Variants in L3MBTL4 observed in about 807,000 individuals in gnomAD.
The protein encoded by L3MBTL4 is lethal(3)malignant brain tumor-like protein 4.
In L3MBTL4, 70 loss-of-function variants were observed where a neutral mutation model predicts 84.5. That is an observed-to-expected ratio of 0.83 (90% CI 0.68 to 1.01). The LOEUF is 1.01. L3MBTL4 is among the 50% of genes least tolerant of loss of function. The pLI is 0.00. For missense variants in L3MBTL4, 715 were observed against 754.8 expected (o/e 0.95, Z 0.62); for synonymous variants, 274 against 259.8 (o/e 1.05, Z -0.52).
At chr18:6,391,784 C>T (rs2055065688) in intron 1 of L3MBTL4, among the ~76,000 whole-genome samples, 1 of 151,876 alleles carries the variant, frequency 6.6e-6, no homozygotes, top group Admixed American at 6.6e-5. Context: ...ACTACTAGGA[C>T]TATACTTAAC....
chr18:6,275,206 C>T (rs1297968595), intron 4 of L3MBTL4, among the ~76,000 whole-genome samples: 1 of 151,860 alleles, frequency 6.6e-6, no homozygotes, highest in Non-Finnish European at 1.5e-5. Flanking sequence ...AGCCTAGTGA[C>T]CTGCAGCATT....
chr18:6,367,809 T>C (rs558255931), intron 1 of L3MBTL4: 109 of 152,324 alleles, frequency 7.2e-4, no homozygotes, highest in African/African-American at 2.5e-3. Context: ...ATTTGCCTTT[T>C]AACAGACGCC....
chr18:6,375,876 G>A (rs1285093861), intron 1 of L3MBTL4, among the ~76,000 whole-genome samples: 1 of 152,122 alleles, frequency 6.6e-6, no homozygotes. Context: ...ACAAGAAATA[G>A]GCAAAAGCAC....
chr18:6,057,367 A>C lies in L3MBTL4; in HGVS notation c.1444+23514T>G, dbSNP rs558325814. Among the ~76,000 whole-genome samples, 2 of 152,288 alleles carry C rather than the reference A, an allele frequency of 1.3e-5. 1 individual carries two copies. The highest frequency in any genetic ancestry group is 4.1e-4 in the South Asian group (2 of 4,820). The stretch of plus-strand genomic sequence containing the variant: ...TGTTTTTCATAATAACAGAATAAAA[A>C]CTAGGCAAGAGTGTATAACAATCTA... On this transcript the variant is annotated intron_variant, in intron 16 of 18. Coordinates refer to ENST00000317931, the MANE Select transcript of L3MBTL4 (RefSeq NM_001330559.2).
chr18:6,257,225 C>T (rs888258802), intron 5 of L3MBTL4, among the ~76,000 whole-genome samples: 2 of 151,892 alleles, frequency 1.3e-5, no homozygotes, highest in South Asian at 2.1e-4. Flanking sequence ...ACTGAGGCAG[C>T]GCAGGTAAAA....
intron 3 of L3MBTL4, among the ~76,000 whole-genome samples, chr18:6,305,548 C>T (rs563245561): frequency 4.6e-5 from 7 of 152,120 alleles, no homozygotes; most frequent in East Asian, 1.9e-4. Flanking sequence ...ATACAAAATG[C>T]GAAAAATAAA....
At chr18:6,038,971 G>C (rs926253479) in intron 16 of L3MBTL4, among the ~76,000 whole-genome samples, 1 of 151,862 alleles carries the variant, frequency 6.6e-6, no homozygotes, top group East Asian at 1.9e-4. Flanking sequence ...TATAAGAAAA[G>C]ACACCAGAGA....
intron 14 of L3MBTL4, among the ~76,000 whole-genome samples, chr18:6,136,362 G>A (rs143027824): frequency 3.9e-5 from 6 of 152,134 alleles, no homozygotes; most frequent in Non-Finnish European, 8.8e-5. Flanking sequence ...GCCAATTCAC[G>A]CTGACTTCCT....
At chr18:5,982,060 G>A (rs997236803) in intron 16 of L3MBTL4, among the ~76,000 whole-genome samples, 2 of 150,890 alleles carry the variant, frequency 1.3e-5, no homozygotes, top group Admixed American at 6.6e-5. Context: ...ATGTTTAAAT[G>A]GCAGGAACAA....
intron 13 of L3MBTL4, among the ~76,000 whole-genome samples, chr18:6,164,406 G>A (rs1274033569): frequency 6.6e-6 from 1 of 152,236 alleles, no homozygotes; most frequent in Non-Finnish European, 1.5e-5. Flanking sequence ...TGACCCCCGA[G>A]TAGCCTAACT....
chr18:6,340,694 T>G (rs2052565383), intron 1 of L3MBTL4, among the ~76,000 whole-genome samples: 1 of 151,050 alleles, frequency 6.6e-6, no homozygotes, highest in Non-Finnish European at 1.5e-5. Context: ...TCAAAATGAC[T>G]CTCCTGTGGG....
chr18:6,381,471 G>A (rs893019610), intron 1 of L3MBTL4, among the ~76,000 whole-genome samples: 11 of 152,204 alleles, frequency 7.2e-5, no homozygotes, highest in South Asian at 2.1e-4. Flanking sequence ...GGTTGGTACC[G>A]GTTGTTCCTT....
chr18:6,267,274 A>T (rs1763622604), intron 4 of L3MBTL4, among the ~76,000 whole-genome samples: 1 of 152,194 alleles, frequency 6.6e-6, no homozygotes, highest in Non-Finnish European at 1.5e-5. Flanking sequence ...TGTATGAGAA[A>T]TTTTTAAAGC....
intron 1 of L3MBTL4, among the ~76,000 whole-genome samples, chr18:6,329,280 A>T (rs1369813961): frequency 1.3e-5 from 2 of 149,620 alleles, no homozygotes; most frequent in African/African-American, 4.9e-5. Context: ...CAGCCTCCCG[A>T]GTAGCTGGGA....
chr18:5,962,707 G>T (rs183621603), intron 17 of L3MBTL4, among the ~76,000 whole-genome samples: 3 of 152,306 alleles, frequency 2.0e-5, no homozygotes, highest in African/African-American at 7.2e-5. Flanking sequence ...GGACCACAGC[G>T]CTGCAGGAAG....
At chr18:6,155,639 A>G (rs1469803634) in intron 13 of L3MBTL4, among the ~76,000 whole-genome samples, 7 of 152,232 alleles carry the variant, frequency 4.6e-5, no homozygotes, top group African/African-American at 1.7e-4. Flanking sequence ...TTACTCTCTG[A>G]TTTGAAATGA....
chr18:6,397,551 A>G (rs570010015), intron 1 of L3MBTL4: 1 of 152,284 alleles, frequency 6.6e-6, no homozygotes, highest in African/African-American at 2.4e-5. Flanking sequence ...TATAAAATCT[A>G]TATCAAAATT....
At chr18:6,110,320 G>A (rs1383041386) in intron 14 of L3MBTL4, among the ~76,000 whole-genome samples, 1 of 152,062 alleles carries the variant, frequency 6.6e-6, no homozygotes, top group Non-Finnish European at 1.5e-5. Context: ...GTCTGCTTTT[G>A]TATCTCTCTC....
chr18:6,015,004 C>T (rs979252067), intron 16 of L3MBTL4, among the ~76,000 whole-genome samples: 1 of 151,682 alleles, frequency 6.6e-6, no homozygotes, highest in African/African-American at 2.4e-5. Context: ...ATGCCTTTAC[C>T]GACCCAGAGA....
Sources: gnomAD v4.1 joint callset for allele counts (sites outside exome capture counted in the v4.1 genomes callset) on GRCh38, gnomAD v4.1.1 for gene constraint, MANE v1.5 for transcripts, NCBI Gene and HGNC (gene_info 2026-07-23, HGNC 2026-07-21) for gene names.